Variants in LRRC4C observed in about 807,000 individuals in gnomAD.
LRRC4C encodes the protein leucine rich repeat containing 4C.
Under a neutral mutation model 33.6 loss-of-function variants are expected in LRRC4C, and 5 were observed. That is an observed-to-expected ratio of 0.15 (90% CI 0.08 to 0.31). The LOEUF is 0.31. LRRC4C is among the 10% of genes least tolerant of loss of function. The pLI is 1.00. For missense variants in LRRC4C, 560 were observed against 796.7 expected, an observed-to-expected ratio of 0.70 and a Z score of 3.58; for synonymous variants, 329 against 302.0, an observed-to-expected ratio of 1.09 and a Z score of -0.93.
At chr11:41,003,384 TAAC>T (rs1156952815) in intron 1 of LRRC4C, among the ~76,000 whole-genome samples, 2 of 152,160 alleles carry the variant, frequency 1.3e-5, no homozygotes, top group Non-Finnish European at 2.9e-5. Flanking sequence ...TACTAAATGT[TAAC>T]AAGATAGTAT....
chr11:40,876,847 G>C (rs1190748267), intron 2 of LRRC4C, among the ~76,000 whole-genome samples: 1 of 147,986 alleles, frequency 6.8e-6, no homozygotes. Flanking sequence ...GGGTTGTAGT[G>C]AGCCAGGATT....
At chr11:40,222,228 T>G (rs1336500861) in intron 5 of LRRC4C, among the ~76,000 whole-genome samples, 1 of 152,262 alleles carries the variant, frequency 6.6e-6, no homozygotes, top group East Asian at 1.9e-4. Context: ...TTCAGTATCC[T>G]TCCTTTTAGT....
At chr11:40,628,098 C>T (rs1281319812) in intron 3 of LRRC4C, among the ~76,000 whole-genome samples, 10 of 152,260 alleles carry the variant, frequency 6.6e-5, no homozygotes, top group Admixed American at 3.9e-4. Flanking sequence ...TTTCTATGAA[C>T]GACTAGTTTT....
intron 1 of LRRC4C, among the ~76,000 whole-genome samples, chr11:41,308,725 GA>G (rs1314776693): frequency 6.7e-6 from 1 of 149,740 alleles, no homozygotes; most frequent in African/African-American, 2.4e-5. Flanking sequence ...AACAAAACCT[GA>G]AAAAAAAAGT....
intron 3 of LRRC4C, among the ~76,000 whole-genome samples, chr11:40,406,205 C>T (rs970702349): frequency 1.3e-5 from 2 of 152,062 alleles, no homozygotes; most frequent in African/African-American, 4.8e-5. Context: ...TATTTCAATG[C>T]TTTTCTATTT....
intron 3 of LRRC4C, among the ~76,000 whole-genome samples, chr11:40,514,772 G>A (rs918711879): frequency 6.6e-6 from 1 of 151,856 alleles, no homozygotes; most frequent in African/African-American, 2.4e-5. Flanking sequence ...CCAAAACAGG[G>A]AAATAATAAA....
chr11:40,876,768 T>A (rs1954913243), intron 2 of LRRC4C, among the ~76,000 whole-genome samples: 1 of 151,894 alleles, frequency 6.6e-6, no homozygotes, highest in Admixed American at 6.6e-5. Flanking sequence ...CTGGGTGTGG[T>A]GGCAGGAGAC....
At chr11:41,425,871 G>A (rs115983777) in intron 1 of LRRC4C, among the ~76,000 whole-genome samples, 2,772 of 152,178 alleles carry the variant, frequency 0.018, 91 homozygotes, top group African/African-American at 0.063. Flanking sequence ...GGAATCGGGA[G>A]TGAGCACGTG....
intron 1 of LRRC4C, among the ~76,000 whole-genome samples, chr11:40,979,845 G>T (rs980474525): frequency 1.3e-5 from 2 of 152,036 alleles, no homozygotes; most frequent in Non-Finnish European, 2.9e-5. Context: ...AAACAGCAGG[G>T]TTGGATTATC....
intron 2 of LRRC4C, among the ~76,000 whole-genome samples, chr11:40,810,793 G>C (rs990746367): frequency 1.3e-5 from 2 of 151,976 alleles, no homozygotes; most frequent in Non-Finnish European, 1.5e-5. Context: ...ACCAACTTTC[G>C]TCAATTCCAT....
Position 40,114,858 on chromosome 11 carries a change from T to C in LRRC4C, c.1435A>G (p.Thr479Ala), listed in dbSNP as rs759009983. 1 of 1,614,086 alleles carries C rather than the reference T, an allele frequency of 6.2e-7. No individual in the cohort carries two copies. Among genetic ancestry groups the C allele is most frequent in the Admixed American group, 1.7e-5 (1 of 60,008 alleles). ...GTGGTCTCCCAGTCGACCACTGGAGTGGGACCCACATTGTTATCTGTGGTC... is the reference window on the plus strand; with the variant it reads ...GTGGTCTCCCAGTCGACCACTGGAGCGGGACCCACATTGTTATCTGTGGTC... The part of the protein sequence containing the change: ...ARTTDNNVGP[T>A]PVVDWETTNV... Residue 479 changes from threonine (T) to alanine (A), a missense_variant, in exon 7 of 7, where the codon ACT becomes GCT. Thr to Ala is a moderately conservative substitution (Grantham distance 58). Transcript: ENST00000528697.
chr11:40,802,976 A>G (rs1289137708), intron 2 of LRRC4C, among the ~76,000 whole-genome samples: 2 of 152,186 alleles, frequency 1.3e-5, no homozygotes, highest in Non-Finnish European at 2.9e-5. Context: ...AGGCAATGCA[A>G]AAAGGATTCA....
chr11:41,413,245 C>T (rs1384411492), intron 1 of LRRC4C, among the ~76,000 whole-genome samples: 1 of 152,156 alleles, frequency 6.6e-6, no homozygotes, highest in Non-Finnish European at 1.5e-5. Context: ...AGAATGGATT[C>T]TGCAAAGATT....
At chr11:41,370,839 C>T (rs565156539) in intron 1 of LRRC4C, among the ~76,000 whole-genome samples, 3 of 152,188 alleles carry the variant, frequency 2.0e-5, no homozygotes, top group South Asian at 2.1e-4. Flanking sequence ...CCACGCTTGG[C>T]CCACGTTATT....
At chr11:41,070,449 G>A (rs1366509646) in intron 1 of LRRC4C, among the ~76,000 whole-genome samples, 1 of 152,058 alleles carries the variant, frequency 6.6e-6, no homozygotes, top group Non-Finnish European at 1.5e-5. Context: ...CTTCTGCATA[G>A]CAAAAGAAAC....
intron 3 of LRRC4C, among the ~76,000 whole-genome samples, chr11:40,410,341 A>G (rs115440796): frequency 0.016 from 2,492 of 152,232 alleles, 64 homozygotes; most frequent in African/African-American, 0.056. Context: ...TTATACATAA[A>G]ATATTTTACT....
intron 1 of LRRC4C, among the ~76,000 whole-genome samples, chr11:41,265,976 C>A (rs1177193994): frequency 6.6e-6 from 1 of 151,884 alleles, no homozygotes; most frequent in East Asian, 1.9e-4. Flanking sequence ...AAATCAATCA[C>A]TTTGCTATTG....
chr11:40,470,497 C>T (rs1195496655), intron 3 of LRRC4C, among the ~76,000 whole-genome samples: 1 of 152,206 alleles, frequency 6.6e-6, no homozygotes, highest in African/African-American at 2.4e-5. Flanking sequence ...GATCACAACT[C>T]CTTGCCAGCA....
chr11:41,386,575 T>C (rs769418765), intron 1 of LRRC4C, among the ~76,000 whole-genome samples: 13 of 151,794 alleles, frequency 8.6e-5, no homozygotes, highest in Non-Finnish European at 1.5e-4. Flanking sequence ...CAGATGTACC[T>C]TTGTAATTTG....
Sources: gnomAD v4.1 joint callset for allele counts (sites outside exome capture counted in the v4.1 genomes callset) on GRCh38, gnomAD v4.1.1 for gene constraint, MANE v1.5 for transcripts, NCBI Gene and HGNC (gene_info 2026-07-23, HGNC 2026-07-21) for gene names.